KICS2: variants seen among roughly 807,000 people sequenced by gnomAD.
KICS2 encodes KICSTOR complex protein C12orf66.
A neutral mutation model predicts 31.4 loss-of-function variants in KICS2; 13 were observed. That is an observed-to-expected ratio of 0.41 (90% confidence interval 0.27 to 0.66). KICS2 has a LOEUF of 0.66. KICS2 is among the 30% of genes least tolerant of loss of function. The pLI, the probability that KICS2 is intolerant of heterozygous loss-of-function variation, is 0.28. For synonymous variants in KICS2, 209 were observed against 214.8 expected (o/e 0.97, Z 0.24); for missense variants, 455 against 545.4 (o/e 0.83, Z 1.65).
At position 64,191,999 on chromosome 12, in the gene KICS2, T is replaced by C. The variant is rs2037382566; in HGVS notation, c.*1843A>G. The C allele has an allele frequency of 6.8e-6, 1 of 148,134 alleles. No individual in the cohort carries two copies. Among genetic ancestry groups the C allele is most frequent in the Non-Finnish European group, 1.5e-5 (1 of 67,586 alleles). 9.2% of individuals were successfully genotyped at this position (148,134 alleles called of 1,614,324 possible). On this transcript the variant is annotated 3_prime_UTR_variant, in exon 3 of 3. Transcript: ENST00000398055. ...AGGTTGAGGCTGCAGTGAGTTGTGA[T>C]TGTGCCACTGTACTCCAGCCTGGAA...
chr12:64,207,165 G>A (rs939690769), intron 2 of KICS2, among the ~76,000 whole-genome samples: 1 of 151,884 alleles, frequency 6.6e-6, no homozygotes, highest in African/African-American at 2.4e-5. Context: ...TTAGCTAGGT[G>A]TGGTGATATG....
At chr12:64,190,888 G>C (rs2037373244), downstream of KICS2, among the ~76,000 whole-genome samples, 1 of 152,152 alleles carries the variant, frequency 6.6e-6, no homozygotes, top group Non-Finnish European at 1.5e-5. Flanking sequence ...TCCCTGAAAT[G>C]ACACAGCCAG....
intron 2 of KICS2, among the ~76,000 whole-genome samples, chr12:64,215,378 A>T (rs1404157305): frequency 5.9e-5 from 9 of 152,178 alleles, no homozygotes; most frequent in Admixed American, 5.2e-4. Context: ...ATTATTTTAT[A>T]TACAATTCTC....
chr12:64,203,061 C>T (rs1161262838), intron 2 of KICS2, among the ~76,000 whole-genome samples: 1 of 152,126 alleles, frequency 6.6e-6, no homozygotes, highest in Non-Finnish European at 1.5e-5. Context: ...TTTGACCATA[C>T]AATTTCTCAG....
Position 64,215,809 on chromosome 12 carries a change from G to A in KICS2, c.390C>T (p.Cys130=). The A allele has an allele frequency of 6.2e-7, 1 of 1,614,086 alleles. No individual in the cohort carries two copies. The highest frequency in any genetic ancestry group is 8.5e-7 in the Non-Finnish European group (1 of 1,180,012). ...TCTCCATCCGAGCCTGAACAAAGAA[G>A]CAGAGCTGCTCTGACAGGTGGGAAA... ...ELLSHLSEQL[C]FFVQARMEIA... The change falls in exon 2 of 3, where the codon TGC becomes TGT. Residue 130 remains cysteine, a synonymous_variant. Transcript: ENST00000398055.
At chr12:64,210,494 G>C (rs1305473318) in intron 2 of KICS2, among the ~76,000 whole-genome samples, 2 of 152,140 alleles carry the variant, frequency 1.3e-5, no homozygotes, top group Non-Finnish European at 2.9e-5. Flanking sequence ...GCTTACACCT[G>C]TAATCCCAGC....
intron 2 of KICS2, among the ~76,000 whole-genome samples, chr12:64,214,627 C>A (rs1354116310): frequency 6.6e-6 from 1 of 152,148 alleles, no homozygotes; most frequent in Non-Finnish European, 1.5e-5. Flanking sequence ...TACCTGTAAT[C>A]CCAGCACTTT....
chr12:64,188,483 G>A (rs537926265), downstream of KICS2, among the ~76,000 whole-genome samples: 14 of 151,918 alleles, frequency 9.2e-5, no homozygotes, highest in East Asian at 7.8e-4. Flanking sequence ...AGATTGTGCC[G>A]CTGCACTCCA....
rs115391565 is a variant in KICS2 at position 64,193,408 on chromosome 12, T to C, written c.*434A>G. On this transcript the variant is annotated 3_prime_UTR_variant, in exon 3 of 3. Transcript: ENST00000398055. ...GCTAATTTATGAGACAGAAAACATA[T>C]AGTTCTTAATTCTAAAAAGGCCATT... 1,849 of 987,068 alleles carry C rather than the reference T, an allele frequency of 1.9e-3. 28 individuals carry two copies. In the African/African-American group the frequency reaches 0.027, roughly 14 times the overall value. 61.1% of individuals were successfully genotyped at this position (987,068 alleles called of 1,614,324 possible). A position where few individuals can be genotyped will look rare whatever the true frequency, so the allele number is the denominator to read the frequency against.
intron 2 of KICS2, 145 bp from the exon 3 acceptor site, chr12:64,194,803 G>T (rs915121779): frequency 9.3e-6 from 10 of 1,078,248 alleles, no homozygotes; most frequent in South Asian, 2.2e-5. Context: ...ACTACATGTT[G>T]ATTTATTTTA....
chr12:64,219,979 G>T (rs987067791), intron 1 of KICS2, among the ~76,000 whole-genome samples: 2 of 152,150 alleles, frequency 1.3e-5, no homozygotes, highest in African/African-American at 4.8e-5. Context: ...CCGGGTAATT[G>T]TGTAGTCGTA....
intron 1 of KICS2, among the ~76,000 whole-genome samples, chr12:64,220,890 A>C (rs894735158): frequency 1.3e-5 from 2 of 152,192 alleles, no homozygotes; most frequent in African/African-American, 4.8e-5. Flanking sequence ...TTTGTGAGAA[A>C]TGCCATTGTA....
At chr12:64,212,402 C>T (rs761605233) in intron 2 of KICS2, among the ~76,000 whole-genome samples, 7 of 152,248 alleles carry the variant, frequency 4.6e-5, no homozygotes, top group East Asian at 3.9e-4. Context: ...CTGGGTATTT[C>T]GCATAATGGA....
At chr12:64,204,527 T>A (rs2037519320) in intron 2 of KICS2, among the ~76,000 whole-genome samples, 1 of 152,242 alleles carries the variant, frequency 6.6e-6, no homozygotes, top group Non-Finnish European at 1.5e-5. Context: ...TGCTCGTACC[T>A]GTAATCTTAG....
chr12:64,203,144 C>T (rs971472634), intron 2 of KICS2, among the ~76,000 whole-genome samples: 14 of 152,154 alleles, frequency 9.2e-5, no homozygotes, highest in Non-Finnish European at 4.4e-5. Flanking sequence ...CCTCTATTCG[C>T]TCCTTTGTCT....
At chr12:64,190,474 A>G (rs2037370260), downstream of KICS2, among the ~76,000 whole-genome samples, 1 of 152,212 alleles carries the variant, frequency 6.6e-6, no homozygotes, top group Non-Finnish European at 1.5e-5. Context: ...TTCTTTCTAG[A>G]AAGTACATTT....
At chr12:64,214,422 C>T (rs1465689946) in intron 2 of KICS2, among the ~76,000 whole-genome samples, 1 of 152,118 alleles carries the variant, frequency 6.6e-6, no homozygotes, top group African/African-American at 2.4e-5. Context: ...CTGTTTGAAC[C>T]AAGACTTAAA....
chr12:64,220,621 C>T (rs373298275), intron 1 of KICS2, among the ~76,000 whole-genome samples: 2 of 151,732 alleles, frequency 1.3e-5, no homozygotes, highest in Non-Finnish European at 2.9e-5. Flanking sequence ...ACTGAAACTG[C>T]CTAAATATTA....
chr12:64,208,666 G>T (rs1190440464), intron 2 of KICS2, among the ~76,000 whole-genome samples: 1 of 152,162 alleles, frequency 6.6e-6, no homozygotes, highest in Non-Finnish European at 1.5e-5. Context: ...AGAAATTTGT[G>T]AATTAAAGCA....
Sources: allele counts gnomAD v4.1 joint callset (sites outside exome capture counted in the v4.1 genomes callset), GRCh38; gene constraint gnomAD v4.1.1; transcripts MANE v1.5; gene names NCBI Gene and HGNC (gene_info 2026-07-23, HGNC 2026-07-21).